Variants in LHFPL3 observed in about 807,000 individuals in gnomAD.
The protein encoded by LHFPL3 is LHFPL tetraspan subfamily member 3, also known as LHFPL tetraspan subfamily member 3 protein.
Under a neutral mutation model 19.3 loss-of-function variants are expected in LHFPL3, and 5 were observed. The observed-to-expected ratio is 0.26, with a 90% CI of 0.14 to 0.54. The LOEUF is 0.54. LHFPL3 is among the 20% of genes least tolerant of loss of function. The pLI is 0.94. For missense variants in LHFPL3, 249 were observed against 307.4 expected (o/e 0.81, Z 1.42); for synonymous variants, 133 against 126.2 (o/e 1.05, Z -0.36).
chr7:104,587,256 C>T (rs559281480), intron 1 of LHFPL3, among the ~76,000 whole-genome samples: 111 of 152,284 alleles, frequency 7.3e-4, no homozygotes, highest in African/African-American at 2.6e-3. Flanking sequence ...TCTCCTAATG[C>T]TATCCCTCCC....
intron 1 of LHFPL3, among the ~76,000 whole-genome samples, chr7:104,599,203 G>T (rs1427358422): frequency 6.6e-6 from 1 of 152,060 alleles, no homozygotes; most frequent in Non-Finnish European, 1.5e-5. Context: ...TAATCAATGA[G>T]GGTTATTCCT....
rs527280214 is a variant in LHFPL3, at chr7:104,379,300, C to T, written c.445+50076C>T. The stretch of plus-strand genomic sequence containing the variant: ...GGGAATTAGAGGTAATTTGGGGGAA[C>T]AGTCTGCACTTCTTGGGCCTCCCTC... On this transcript the variant is annotated intron_variant, in intron 1 of 2. Coordinates refer to ENST00000424859, the MANE Select transcript of LHFPL3 (RefSeq NM_199000.3). 9.2e-5 allele frequency among the ~76,000 whole-genome samples: 14 copies of T among 152,286 alleles called. No individual in the cohort carries two copies. In the South Asian group the frequency reaches 2.3e-3, roughly 25 times the overall value.
intron 1 of LHFPL3, among the ~76,000 whole-genome samples, chr7:104,349,991 C>T (rs1303278308): frequency 1.3e-5 from 2 of 152,266 alleles, no homozygotes; most frequent in East Asian, 3.9e-4. Context: ...AAGTACTATT[C>T]TGGTGCTCTA....
chr7:104,537,172 G>A (rs748533788), intron 1 of LHFPL3, among the ~76,000 whole-genome samples: 1 of 152,136 alleles, frequency 6.6e-6, no homozygotes, highest in Non-Finnish European at 1.5e-5. Flanking sequence ...ATCACAGAAG[G>A]CATTTCAACA....
chr7:104,550,668 T>C (rs1202142252), intron 1 of LHFPL3, among the ~76,000 whole-genome samples: 1 of 152,168 alleles, frequency 6.6e-6, no homozygotes, highest in Non-Finnish European at 1.5e-5. Flanking sequence ...CAATTGCGCA[T>C]GTTAGGAAGG....
intron 1 of LHFPL3, among the ~76,000 whole-genome samples, chr7:104,356,411 T>A (rs1356933074): frequency 6.6e-6 from 1 of 152,180 alleles, no homozygotes; most frequent in East Asian, 1.9e-4. Flanking sequence ...CATGGAAAGA[T>A]AAATGGCCTG....
At chr7:104,452,322 A>G (rs1477013095) in intron 1 of LHFPL3, among the ~76,000 whole-genome samples, 2 of 152,222 alleles carry the variant, frequency 1.3e-5, no homozygotes, top group Non-Finnish European at 2.9e-5. Context: ...CCAGTGCTTT[A>G]TTGATGGACA....
chr7:104,707,470 G>C (rs935785384), intron 1 of LHFPL3, among the ~76,000 whole-genome samples: 1 of 152,136 alleles, frequency 6.6e-6, no homozygotes, highest in African/African-American at 2.4e-5. Context: ...TACTGAAGCA[G>C]TTTATATCCT....
chr7:104,374,563 C>T (rs750961692), intron 1 of LHFPL3, among the ~76,000 whole-genome samples: 60 of 152,108 alleles, frequency 3.9e-4, no homozygotes, highest in Non-Finnish European at 7.7e-4. Context: ...ATTAAAGTTT[C>T]CTTGTAGGCT....
chr7:104,906,217 CACAAA>C lies in LHFPL3; in HGVS notation c.*8_*12del, dbSNP rs1390979397. 6.2e-7 allele frequency: 1 copy of C among 1,608,540 alleles called. No individual in the cohort carries two copies. The highest frequency in any genetic ancestry group is 8.5e-7 in the Non-Finnish European group (1 of 1,177,366). On this transcript the variant is annotated 3_prime_UTR_variant, in exon 3 of 3. Transcript: ENST00000424859. Reference sequence around the variant, plus strand: ...CTAAGCCAATATTCTCTAGAATGAGCACAAAACAAATCGAATAACAGCTAAACAAA... The same window carrying C: ...CTAAGCCAATATTCTCTAGAATGAGCACAAATCGAATAACAGCTAAACAAA...
intron 1 of LHFPL3, among the ~76,000 whole-genome samples, chr7:104,527,763 G>T (rs985503736): frequency 2.6e-5 from 4 of 152,164 alleles, no homozygotes; most frequent in Non-Finnish European, 5.9e-5. Flanking sequence ...TGGCCATGCA[G>T]TCCACTTTGC....
chr7:104,867,969 GA>G (rs1439352313), intron 2 of LHFPL3, among the ~76,000 whole-genome samples: 1 of 152,036 alleles, frequency 6.6e-6, no homozygotes, highest in Non-Finnish European at 1.5e-5. Flanking sequence ...CAGAACCAAC[GA>G]CAAAAACCAT....
intron 2 of LHFPL3, among the ~76,000 whole-genome samples, chr7:104,794,489 T>C (rs1790080431): frequency 6.6e-6 from 1 of 152,198 alleles, no homozygotes; most frequent in Non-Finnish European, 1.5e-5. Context: ...ACGGTGGCTG[T>C]CAGTGTGAGC....
intron 1 of LHFPL3, among the ~76,000 whole-genome samples, chr7:104,558,183 G>A (rs1234408795): frequency 6.6e-6 from 1 of 151,392 alleles, no homozygotes; most frequent in Admixed American, 6.6e-5. Flanking sequence ...TAGTCCTTTG[G>A]GTATATACCC....
intron 2 of LHFPL3, among the ~76,000 whole-genome samples, chr7:104,845,019 C>T (rs1290906421): frequency 1.3e-5 from 2 of 152,232 alleles, no homozygotes; most frequent in South Asian, 2.1e-4. Flanking sequence ...GGATTACAGG[C>T]GTAAGCCACC....
At chr7:104,332,673 G>A (rs986014408) in intron 1 of LHFPL3, among the ~76,000 whole-genome samples, 4 of 152,216 alleles carry the variant, frequency 2.6e-5, no homozygotes, top group East Asian at 1.9e-4. Flanking sequence ...GATGTTGCTC[G>A]TTCATCTAGG....
intron 1 of LHFPL3, among the ~76,000 whole-genome samples, chr7:104,390,055 A>G (rs557368535): frequency 7.8e-4 from 119 of 152,168 alleles, no homozygotes; most frequent in Admixed American, 3.0e-3. Flanking sequence ...ATCAGAGGAC[A>G]TTAAGAAAAA....
rs768495995 is a variant in LHFPL3 at position 104,481,056 on chromosome 7, C to T, written c.445+151832C>T. Among the ~76,000 whole-genome samples, 11 of 152,222 alleles carry T rather than the reference C, an allele frequency of 7.2e-5. 1 individual carries two copies. Among genetic ancestry groups the T allele is most frequent in the African/African-American group, 2.6e-4 (11 of 41,540 alleles). The stretch of plus-strand genomic sequence containing the variant: ...CATCACTTTGCCTTGCTGGGTGACA[C>T]AGTCATCATCTATTAAATGCTGGGC... On this transcript the variant is annotated intron_variant, in intron 1 of 2. Transcript: ENST00000424859.
At chr7:104,635,608 A>G (rs1165679214) in intron 1 of LHFPL3, among the ~76,000 whole-genome samples, 1 of 152,206 alleles carries the variant, frequency 6.6e-6, no homozygotes, top group Non-Finnish European at 1.5e-5. Context: ...AAGTAGAAAA[A>G]AACATTTTCA....
Sources: allele counts gnomAD v4.1 joint callset (sites outside exome capture counted in the v4.1 genomes callset), GRCh38; gene constraint gnomAD v4.1.1; transcripts MANE v1.5; gene names NCBI Gene and HGNC (gene_info 2026-07-23, HGNC 2026-07-21).